BDP1: variants seen among roughly 807,000 people sequenced by gnomAD.
BDP1 encodes transcription factor TFIIIB component B'' homolog.
In BDP1, 169 loss-of-function variants were observed where a neutral mutation model predicts 266.6. That is an observed-to-expected ratio of 0.63 (90% CI 0.56 to 0.72). The LOEUF is 0.72. Ranked by LOEUF, BDP1 falls within the 30% of genes least tolerant of loss-of-function variation. The pLI is 0.00. For synonymous variants in BDP1, 1,090 were observed against 1,022.4 expected (o/e 1.07, Z -1.26); for missense variants, 3,015 against 3,053.8 (o/e 0.99, Z 0.30).
chr5:71,563,499 T>C (rs900921835), intron 38 of BDP1, among the ~76,000 whole-genome samples: 2 of 152,234 alleles, frequency 1.3e-5, no homozygotes, highest in African/African-American at 4.8e-5. Context: ...AATTTTTTTT[T>C]TCTCTGTATG....
chr5:71,480,783 C>G (rs570932900), intron 7 of BDP1, among the ~76,000 whole-genome samples: 1 of 152,074 alleles, frequency 6.6e-6, no homozygotes, highest in East Asian at 1.9e-4. Flanking sequence ...AGGCTGGTCT[C>G]GAACTCCTGA....
intron 35 of BDP1, among the ~76,000 whole-genome samples, chr5:71,553,753 C>T (rs1743020303): frequency 6.6e-6 from 1 of 152,166 alleles, no homozygotes; most frequent in Non-Finnish European, 1.5e-5. Context: ...AGTAAAACCA[C>T]AGCCTTTAGT....
At chr5:71,553,900 A>T (rs988953287) in intron 35 of BDP1, among the ~76,000 whole-genome samples, 1 of 152,196 alleles carries the variant, frequency 6.6e-6, no homozygotes, top group Non-Finnish European at 1.5e-5. Flanking sequence ...TCTGTGTGAA[A>T]CATTCCCTTG....
At position 71,457,307 on chromosome 5, in the gene BDP1, GT is replaced by G. The variant is rs780891505; in HGVS notation, c.212+1235del. 5.6e-3 allele frequency among the ~76,000 whole-genome samples: 705 copies of G among 126,006 alleles called. 2 individuals carry two copies. The highest frequency in any genetic ancestry group is 0.013 in the African/African-American group (437 of 34,428). 82.7% of individuals were successfully genotyped at this position (126,006 alleles called of 152,430 possible). A position where few individuals can be genotyped will look rare whatever the true frequency, so the allele number is the denominator to read the frequency against. Reference sequence around the variant, plus strand: ...TGCCATTACTGACTCTGGGAAAGTGGTTTTTTTTTTTTTTTTTAATTAGTTT... The same window carrying G: ...TGCCATTACTGACTCTGGGAAAGTGGTTTTTTTTTTTTTTTTAATTAGTTT... On this transcript the variant is annotated intron_variant, in intron 1 of 38. Coordinates refer to ENST00000358731, the MANE Select transcript of BDP1 (RefSeq NM_018429.3).
intron 11 of BDP1, among the ~76,000 whole-genome samples, chr5:71,492,994 C>T (rs1333716757): frequency 1.3e-5 from 2 of 152,188 alleles, no homozygotes; most frequent in East Asian, 1.9e-4. Flanking sequence ...AATCTCTAAT[C>T]TGCTTTCTGT....
At chr5:71,498,182 C>T (rs779860443) in intron 13 of BDP1, among the ~76,000 whole-genome samples, 23 of 152,262 alleles carry the variant, frequency 1.5e-4, no homozygotes, top group Admixed American at 2.6e-4. Context: ...TGTCTCCTGA[C>T]CTCGTGATCT....
chr5:71,549,334 C>G, intron 33 of BDP1, 86 bp from the exon 34 acceptor site: 1 of 1,102,764 alleles, frequency 9.1e-7, no homozygotes, highest in Non-Finnish European at 1.3e-6. Context: ...TGTCCTGAGA[C>G]TGTCTTTTTA....
chr5:71,513,798 CA>C (rs1312521897), intron 19 of BDP1, among the ~76,000 whole-genome samples: 1 of 152,014 alleles, frequency 6.6e-6, no homozygotes, highest in Non-Finnish European at 1.5e-5. Context: ...CGGCTCACTG[CA>C]ACTTCCACCT....
intron 25 of BDP1, among the ~76,000 whole-genome samples, chr5:71,527,241 C>T (rs554527620): frequency 5.9e-5 from 9 of 152,160 alleles, no homozygotes; most frequent in South Asian, 2.1e-4. Context: ...TAAGACATCC[C>T]GCAATGAGTG....
chr5:71,572,374 T>A (rs552971057), downstream of BDP1, among the ~76,000 whole-genome samples: 1 of 152,226 alleles, frequency 6.6e-6, no homozygotes, highest in African/African-American at 2.4e-5. Context: ...ATCTGGTGCT[T>A]TACAAGTGGC....
In BDP1 at chr5:71,491,043, C is replaced by G. The variant is rs971820039; in HGVS notation, c.1552C>G (p.Leu518Val). Residue 518 changes from leucine to valine, a missense_variant, in exon 11 of 39, where the codon CTT (leucine) becomes GTT (valine). Transcript: ENST00000358731. ...KEGECSKEQM[L>V]SCTQNIDGIV... ...AGGTGAATGCAGTAAGGAGCAGATG[C>G]TTTCCTGCACACAAAACATAGATGG... The G allele has an allele frequency of 5.6e-6, 9 of 1,613,912 alleles. No individual in the cohort carries two copies. The highest frequency in any genetic ancestry group is 1.3e-5 in the African/African-American group (1 of 74,942).
intron 3 of BDP1, 37 bp downstream of exon 3, chr5:71,461,963 T>A: frequency 9.4e-7 from 1 of 1,060,598 alleles, no homozygotes; most frequent in Non-Finnish European, 1.4e-6. Flanking sequence ...TATCTCTTTT[T>A]TTTTTTTTTT....
At chr5:71,544,823 T>G (rs1742150217) in intron 31 of BDP1, among the ~76,000 whole-genome samples, 1 of 122,272 alleles carries the variant, frequency 8.2e-6, no homozygotes, top group Non-Finnish European at 1.6e-5. Flanking sequence ...GAGCTTGCAG[T>G]GAGCCAAGAT....
intron 32 of BDP1, among the ~76,000 whole-genome samples, chr5:71,547,721 G>A (rs373966942): frequency 6.6e-6 from 1 of 152,144 alleles, no homozygotes; most frequent in Non-Finnish European, 1.5e-5. Flanking sequence ...AGGCTGAGGC[G>A]GGTGGATCAT....
At chr5:71,482,240 A>C (rs558830453) in intron 7 of BDP1, among the ~76,000 whole-genome samples, 1 of 152,260 alleles carries the variant, frequency 6.6e-6, no homozygotes, top group South Asian at 2.1e-4. Flanking sequence ...ATGCTCCTAA[A>C]GATTCCCTAC....
intron 2 of BDP1, among the ~76,000 whole-genome samples, 166 bp downstream of exon 2, chr5:71,459,021 G>A (rs552873801): frequency 6.6e-6 from 1 of 152,204 alleles, no homozygotes; most frequent in East Asian, 1.9e-4. Flanking sequence ...ATACACCGTG[G>A]ACTTAAATTA....
At position 71,455,770 on chromosome 5, in the gene BDP1, G is replaced by A; in HGVS notation, c.-108G>A. On this transcript the variant is annotated 5_prime_UTR_variant, in exon 1 of 39. In the 5' UTR this introduces an upstream ATG that the reference lacks. Transcript: ENST00000358731. ...GGTAGCTGCCCCCTGAGCTGGTGGT[G>A]TGGCTTTGTGGGGAGGGCGTAGTTC... 1 of 929,162 alleles carries A rather than the reference G, an allele frequency of 1.1e-6. No homozygotes were observed. The highest frequency in any genetic ancestry group is 2.6e-5 in the East Asian group (1 of 37,776). 57.6% of individuals were successfully genotyped at this position (929,162 alleles called of 1,614,324 possible).
chr5:71,560,138 A>C lies in BDP1; in HGVS notation c.7397A>C (p.Asp2466Ala). Residue 2466 changes from aspartate (D) to alanine (A), a missense_variant, in exon 37 of 39, where the codon GAT becomes GCT. This residue lies in a region of BDP1 where 629 missense variants were observed against 632.5 expected (regional missense o/e 0.99). Coordinates refer to ENST00000358731, the MANE Select transcript of BDP1 (RefSeq NM_018429.3). ...MDKNVPQLPQDEMIVSDKEER... is the reference protein window; with the variant it reads ...MDKNVPQLPQAEMIVSDKEER... ...AAGAATGTGCCTCAGTTACCTCAGG[A>C]TGAAATGATTGTGTCTGATAAGGAA... 6.2e-7 allele frequency: 1 copy of C among 1,614,174 alleles called. No homozygotes were observed. The highest frequency in any genetic ancestry group is 8.5e-7 in the Non-Finnish European group (1 of 1,180,014).
chr5:71,522,551 A>G, intron 23 of BDP1, 61 bp downstream of exon 23: 5 of 1,412,092 alleles, frequency 3.5e-6, no homozygotes, highest in Non-Finnish European at 3.9e-6. Context: ...TTTTGTCAAG[A>G]TCATGAAGAG....
Sources: gnomAD v4.1 joint callset for allele counts (sites outside exome capture counted in the v4.1 genomes callset) on GRCh38, gnomAD v4.1.1 for gene constraint, gnomAD v4.1.1 regional missense constraint, MANE v1.5 for transcripts, NCBI Gene and HGNC (gene_info 2026-07-23, HGNC 2026-07-21) for gene names.